Variants in CFAP263 observed in about 807,000 individuals in gnomAD.
CFAP263 encodes cilia and flagella associated protein 263, also known as cilia- and flagella-associated protein 263.
At chr16:58,265,728 A>T in the CFAP263 span, among the ~76,000 whole-genome samples, 3 of 152,232 alleles carry the variant, frequency 2.0e-5, no homozygotes, top group Non-Finnish European at 2.9e-5. Flanking sequence ...GTCTGTGGTA[A>T]TTTGTTATGT....
chr16:58,279,891 C>G, the CFAP263 span: 16 of 854,948 alleles, frequency 1.9e-5, no homozygotes, highest in Admixed American at 5.0e-5. Flanking sequence ...CCCAACCCCC[C>G]ACCCAGGCTG....
the CFAP263 span, among the ~76,000 whole-genome samples, chr16:58,269,639 C>T: frequency 1.3e-5 from 2 of 152,138 alleles, no homozygotes; most frequent in Non-Finnish European, 2.9e-5. Flanking sequence ...TTTCAAGGTT[C>T]ACTTGTATCA....
the CFAP263 span, chr16:58,250,493 G>C: frequency 6.1e-6 from 1 of 165,054 alleles, no homozygotes; most frequent in Non-Finnish European, 1.3e-5. Context: ...GGCTGGGCGC[G>C]GTGGCTCACG....
chr16:58,274,987 A>G, the CFAP263 span, among the ~76,000 whole-genome samples: 1 of 152,094 alleles, frequency 6.6e-6, no homozygotes, highest in Admixed American at 6.5e-5. Context: ...CTACTTCATT[A>G]TACTTATCTT....
the CFAP263 span, chr16:58,254,106 G>A: frequency 6.8e-6 from 11 of 1,614,230 alleles, no homozygotes; most frequent in South Asian, 1.2e-4. Flanking sequence ...GGACATGAAG[G>A]ATGACTTACG....
the CFAP263 span, chr16:58,278,526 G>A: frequency 4.0e-5 from 65 of 1,614,086 alleles, no homozygotes; most frequent in African/African-American, 5.3e-5. Flanking sequence ...TCCGGAAGCA[G>A]CTGGCCGAGT....
chr16:58,261,488 C>T, the CFAP263 span, among the ~76,000 whole-genome samples: 11 of 152,262 alleles, frequency 7.2e-5, no homozygotes, highest in South Asian at 4.1e-4. Context: ...CCTGCCCTTG[C>T]GAGCTCATAG....
chr16:58,253,948 T>C, the CFAP263 span: 1 of 1,607,784 alleles, frequency 6.2e-7, no homozygotes, highest in South Asian at 1.1e-5. Context: ...CTTGGGCTGG[T>C]TCATTACCAA....
the CFAP263 span, chr16:58,278,687 T>C: frequency 6.4e-7 from 1 of 1,573,394 alleles, no homozygotes; most frequent in Non-Finnish European, 8.7e-7. Context: ...TCTTCAACGT[T>C]TTCACTTAGG....
the CFAP263 span, among the ~76,000 whole-genome samples, chr16:58,266,374 CATATATATATATAT>C: frequency 1.9e-4 from 8 of 41,406 alleles, no homozygotes; most frequent in East Asian, 2.6e-3. Context: ...CTCTTTCCAG[CATATATATATATAT>C]ATATATATAT....
the CFAP263 span, chr16:58,259,727 T>C: frequency 2.1e-5 from 12 of 576,378 alleles, no homozygotes; most frequent in Non-Finnish European, 3.7e-5. Flanking sequence ...TAAAAGGACC[T>C]AAAATAAGTG....
At chr16:58,259,226 A>T in the CFAP263 span, among the ~76,000 whole-genome samples, 1 of 152,032 alleles carries the variant, frequency 6.6e-6, no homozygotes, top group South Asian at 2.1e-4. Flanking sequence ...TCAAAATTTT[A>T]AAAAAACCTT....
the CFAP263 span, among the ~76,000 whole-genome samples, chr16:58,266,318 G>A: frequency 5.2e-5 from 7 of 135,836 alleles, no homozygotes; most frequent in Non-Finnish European, 1.1e-4. Context: ...AGCTTGGAAT[G>A]TTCTCTTCTC....
chr16:58,256,456 AG>A, the CFAP263 span, among the ~76,000 whole-genome samples: 2 of 152,182 alleles, frequency 1.3e-5, no homozygotes, highest in Non-Finnish European at 2.9e-5. Flanking sequence ...ACCCCAGGTA[AG>A]GAGAATGACA....
At chr16:58,268,317 T>C in the CFAP263 span, among the ~76,000 whole-genome samples, 4 of 152,166 alleles carry the variant, frequency 2.6e-5, no homozygotes, top group Admixed American at 6.5e-5. Flanking sequence ...ACATAGGATA[T>C]GATGCAAAGA....
chr16:58,274,733 T>A, the CFAP263 span, among the ~76,000 whole-genome samples: 1 of 152,244 alleles, frequency 6.6e-6, no homozygotes, highest in African/African-American at 2.4e-5. Flanking sequence ...TCTTCTTTTC[T>A]TTATAAAATT....
the CFAP263 span, among the ~76,000 whole-genome samples, chr16:58,257,619 C>T: frequency 1.3e-5 from 2 of 151,132 alleles, no homozygotes; most frequent in Non-Finnish European, 3.0e-5. Context: ...TTTTTTTTTC[C>T]ATTTTTCCCC....
chr16:58,276,099 A>G, the CFAP263 span, among the ~76,000 whole-genome samples: 1 of 152,220 alleles, frequency 6.6e-6, no homozygotes, highest in African/African-American at 2.4e-5. Context: ...ACTTCTATAG[A>G]TCAACAAGAA....
At chr16:58,252,680 G>T in the CFAP263 span, 61 of 1,581,440 alleles carry the variant, frequency 3.9e-5, no homozygotes, top group Non-Finnish European at 5.1e-5. Flanking sequence ...GTTATTTGAG[G>T]TTTAAACTCT....
Sources: gnomAD v4.1 joint callset for allele counts (sites outside exome capture counted in the v4.1 genomes callset) on GRCh38, gnomAD v4.1.1 for gene constraint, MANE v1.5 for transcripts, NCBI Gene and HGNC (gene_info 2026-07-23, HGNC 2026-07-21) for gene names.